Variants in PITPNC1 observed in about 807,000 individuals in gnomAD.
PITPNC1 encodes the protein cytoplasmic phosphatidylinositol transfer protein 1.
In PITPNC1, 18 loss-of-function variants were observed where a neutral mutation model predicts 44.7. The ratio of observed to expected loss-of-function variants is 0.40; its 90% CI spans 0.28 to 0.60. The LOEUF is 0.60. PITPNC1 is among the 20% of genes least tolerant of loss of function. PITPNC1 has a pLI of 0.39. For synonymous variants in PITPNC1, 141 were observed against 149.6 expected, an observed-to-expected ratio of 0.94 and a Z score of 0.42; for missense variants, 290 against 418.4, an observed-to-expected ratio of 0.69 and a Z score of 2.68.
At chr17:67,506,295 A>C (rs2040100006) in intron 1 of PITPNC1, among the ~76,000 whole-genome samples, 3 of 152,228 alleles carry the variant, frequency 2.0e-5, no homozygotes, top group Admixed American at 2.0e-4. Context: ...TTTTCAGATT[A>C]GATGATACTA....
intron 4 of PITPNC1, among the ~76,000 whole-genome samples, chr17:67,571,776 C>G (rs2041060818): frequency 6.6e-6 from 1 of 152,234 alleles, no homozygotes; most frequent in Admixed American, 6.5e-5. Context: ...TCTGCTTTTT[C>G]TAAAGTGAAG....
chr17:67,662,405 G>A (rs1023986295), intron 6 of PITPNC1, among the ~76,000 whole-genome samples: 2 of 152,152 alleles, frequency 1.3e-5, no homozygotes, highest in African/African-American at 4.8e-5. Context: ...AGTGAGCTGA[G>A]ATTGTGCCAC....
chr17:67,378,180 G>C lies in PITPNC1; in HGVS notation c.26G>C (p.Cys9Ser). ...ATGCTGCTGAAAGAGTACCGGATCT[G>C]CATGCCGCTCACCGTAGACGAGGTA... MLLKEYRI[C>S]MPLTVDEYKI... The change falls in exon 1 of 9, where the codon TGC becomes TCC. Residue 9 changes from cysteine to serine, a missense_variant. Cys to Ser is a moderately radical substitution (Grantham distance 112). Coordinates refer to ENST00000581322, the MANE Select transcript of PITPNC1 (RefSeq NM_012417.4). 2 of 1,548,146 alleles carry C rather than the reference G, an allele frequency of 1.3e-6. No homozygotes were observed. Among genetic ancestry groups the C allele is most frequent in the Non-Finnish European group, 1.7e-6 (2 of 1,151,434 alleles).
At position 67,634,140 on chromosome 17, in the gene PITPNC1, G is replaced by A. The variant is rs368268579; in HGVS notation, c.462+1902G>A. ...CTTCATGCTTCACAGGGTCACTCAT[G>A]GGCACGTCCGTACCTCCTTCCCTGG... On this transcript the variant is annotated intron_variant, in intron 6 of 8. Transcript: ENST00000581322. Among the ~76,000 whole-genome samples, 25 of 152,288 alleles carry A rather than the reference G, an allele frequency of 1.6e-4. No individual in the cohort carries two copies. The South Asian group carries it at 5.2e-3, about 32-fold the overall frequency.
intron 1 of PITPNC1, among the ~76,000 whole-genome samples, chr17:67,450,580 CG>C (rs1314430835): frequency 2.6e-5 from 4 of 152,060 alleles, no homozygotes; most frequent in African/African-American, 9.7e-5. Context: ...CGCACACCAC[CG>C]TGCCCACTAA....
chr17:67,511,506 C>T (rs2040184129), intron 1 of PITPNC1, among the ~76,000 whole-genome samples: 1 of 152,058 alleles, frequency 6.6e-6, no homozygotes, highest in Admixed American at 6.6e-5. Context: ...TCAATACTGG[C>T]TAGCTGTTCT....
chr17:67,444,334 G>A lies in PITPNC1; in HGVS notation c.48+66132G>A, dbSNP rs117702909. On this transcript the variant is annotated intron_variant, in intron 1 of 8. Transcript: ENST00000581322. Reference sequence around the variant, plus strand: ...GAAGCAAGTTATGAAGGAGGAATACGGATTTTGGCAGAGAAAGTCTGTAAG... The same window carrying A: ...GAAGCAAGTTATGAAGGAGGAATACAGATTTTGGCAGAGAAAGTCTGTAAG... Among the ~76,000 whole-genome samples, 100 of 152,160 alleles carry A rather than the reference G, an allele frequency of 6.6e-4. 1 individual carries two copies. The East Asian group carries it at 0.017, about 26-fold the overall frequency.
intron 5 of PITPNC1, among the ~76,000 whole-genome samples, chr17:67,618,808 C>T (rs898472100): frequency 1.3e-5 from 2 of 151,924 alleles, no homozygotes; most frequent in African/African-American, 4.8e-5. Context: ...CCTGTAATCC[C>T]AGCACTTTGG....
intron 2 of PITPNC1, among the ~76,000 whole-genome samples, chr17:67,533,672 C>T (rs1011615157): frequency 9.9e-5 from 15 of 152,024 alleles, no homozygotes; most frequent in African/African-American, 3.4e-4. Flanking sequence ...CTTGGGTGTC[C>T]GAAAAGGGAA....
intron 1 of PITPNC1, among the ~76,000 whole-genome samples, chr17:67,485,675 A>G (rs1230172543): frequency 6.6e-6 from 1 of 152,172 alleles, no homozygotes; most frequent in African/African-American, 2.4e-5. Flanking sequence ...ACGGAAGAAC[A>G]ACTGACTTGC....
intron 1 of PITPNC1, among the ~76,000 whole-genome samples, chr17:67,392,116 G>T (rs1272317981): frequency 6.6e-6 from 1 of 152,210 alleles, no homozygotes; most frequent in African/African-American, 2.4e-5. Context: ...ATGAGCACCT[G>T]TGAGTTTCTC....
chr17:67,665,845 CTT>C (rs11290420), intron 6 of PITPNC1, among the ~76,000 whole-genome samples: 6,534 of 135,682 alleles, frequency 0.048, 435 homozygotes, highest in African/African-American at 0.16. Flanking sequence ...CACTGAAGTA[CTT>C]TTTTTTTTTT....
intron 8 of PITPNC1, among the ~76,000 whole-genome samples, chr17:67,684,033 C>T (rs775757856): frequency 2.7e-5 from 4 of 147,836 alleles, no homozygotes; most frequent in African/African-American, 9.9e-5. Flanking sequence ...CTAGAGTGAA[C>T]AGAAATTCTG....
chr17:67,669,463 G>A, intron 6 of PITPNC1, 45 bp from the exon 7 acceptor site: 1 of 1,339,884 alleles, frequency 7.5e-7, no homozygotes, highest in Admixed American at 2.3e-5. Context: ...AATAATGATG[G>A]TCAAACTTTT....
At chr17:67,566,530 A>G (rs1568043318) in intron 4 of PITPNC1, among the ~76,000 whole-genome samples, 1 of 152,122 alleles carries the variant, frequency 6.6e-6, no homozygotes, top group Non-Finnish European at 1.5e-5. Flanking sequence ...GCACTTTCAT[A>G]ATAAGAATTA....
intron 8 of PITPNC1, among the ~76,000 whole-genome samples, chr17:67,684,133 A>T (rs113829502): frequency 2.1e-5 from 3 of 140,164 alleles, no homozygotes; most frequent in East Asian, 2.0e-4. Context: ...TTTTTTTGAG[A>T]CAGAGTCTTG....
intron 7 of PITPNC1, among the ~76,000 whole-genome samples, chr17:67,670,187 C>G (rs1438371111): frequency 6.6e-6 from 1 of 152,188 alleles, no homozygotes; most frequent in Non-Finnish European, 1.5e-5. Flanking sequence ...TATGCCCCAT[C>G]TCTCATTCTG....
chr17:67,678,198 C>T (rs942162800), intron 8 of PITPNC1, among the ~76,000 whole-genome samples: 5 of 141,604 alleles, frequency 3.5e-5, no homozygotes, highest in Admixed American at 1.5e-4. Context: ...CCTGGGTGAC[C>T]GAACAAGACC....
chr17:67,603,852 C>T (rs2041573915), intron 5 of PITPNC1, among the ~76,000 whole-genome samples: 1 of 151,798 alleles, frequency 6.6e-6, no homozygotes, highest in East Asian at 1.9e-4. Context: ...ATCACTTGAA[C>T]CAGGGAGGCA....
Sources: gnomAD v4.1 joint callset for allele counts (sites outside exome capture counted in the v4.1 genomes callset) on GRCh38, gnomAD v4.1.1 for gene constraint, MANE v1.5 for transcripts, NCBI Gene and HGNC (gene_info 2026-07-23, HGNC 2026-07-21) for gene names.